The following TRIM67 variants were observed in gnomAD, a reference collection of about 807,000 sequenced individuals.
TRIM67 encodes the protein tripartite motif containing 67, also known as tripartite motif-containing protein 67.
A neutral mutation model predicts 71.0 loss-of-function variants in TRIM67; 39 were observed. The ratio of observed to expected loss-of-function variants is 0.55; its 90% confidence interval spans 0.43 to 0.72. The LOEUF (loss-of-function observed/expected upper bound fraction) is 0.72, where lower values mean the gene tolerates loss of function less well. Among genes scored for constraint, TRIM67 ranks in the 30% least tolerant of loss-of-function variants. The probability of loss-of-function intolerance (pLI) is 0.00; values close to 1 mark genes in which losing one functional copy is unlikely to be tolerated. For synonymous variants in TRIM67, 481 were observed against 473.9 expected, an observed-to-expected ratio of 1.01 and a Z score of -0.19; for missense variants, 973 against 1,079.2, an observed-to-expected ratio of 0.90 and a Z score of 1.38.
At chr1:231,180,952 GGTTTTTTTGTTTGTTT>G (rs139571107) in intron 1 of TRIM67, among the ~76,000 whole-genome samples, 47,430 of 144,406 alleles carry the variant, frequency 0.33, 7,586 homozygotes, top group South Asian at 0.47. Flanking sequence ...CTCAGGAGAA[GGTTTTTTTGTTTGTTT>G]GTTTGTTTGT....
At chr1:231,188,233 C>T (rs1437427102) in intron 1 of TRIM67, among the ~76,000 whole-genome samples, 1 of 152,200 alleles carries the variant, frequency 6.6e-6, no homozygotes, top group Non-Finnish European at 1.5e-5. Context: ...TGGTCAGTGT[C>T]ATCCTCCCAC....
At position 231,209,242 on chromosome 1, in the gene TRIM67, C is replaced by T. The variant is rs374374032; in HGVS notation, c.2115C>T (p.His705=). 1.8e-5 allele frequency: 28 copies of T among 1,548,708 alleles called. No individual in the cohort carries two copies. Among genetic ancestry groups the T allele is most frequent in the African/African-American group, 1.8e-4 (13 of 73,598 alleles). ...NRSWFMHCNS[H]TNRTEGGVCK... Reference sequence around the variant, plus strand: ...GCTGGTTCATGCACTGCAACTCCCACACCAACAGGTGCGATTGGGCCCCAT... The same window carrying T: ...GCTGGTTCATGCACTGCAACTCCCATACCAACAGGTGCGATTGGGCCCCAT... Residue 705 remains histidine, a synonymous_variant, in exon 8 of 10, where the codon CAC becomes CAT. Transcript: ENST00000366653. This position sits in a 1 kb window ranked among gnomAD's most constrained non-coding sequence, Gnocchi z 4.1.
At chr1:231,197,136 C>T (rs537056604) in intron 1 of TRIM67, among the ~76,000 whole-genome samples, 3 of 152,326 alleles carry the variant, frequency 2.0e-5, no homozygotes, top group Admixed American at 2.0e-4. Flanking sequence ...TGCTCCTTAC[C>T]TCTATCCAGC....
At chr1:231,175,424 G>A (rs116414813) in intron 1 of TRIM67, among the ~76,000 whole-genome samples, 4,094 of 152,322 alleles carry the variant, frequency 0.027, 62 homozygotes, top group Middle Eastern at 0.068. Context: ...CCAGAGTTTC[G>A]TGGGTGCAGT....
In TRIM67 at chr1:231,219,711, A is replaced by C. The variant is rs1684096350; in HGVS notation, c.*4271A>C. ...TGGCCCTCAATTGGTTTTTAAAAAA[A>C]TCTAACAGATCTTATTGGCAAATAT... is the stretch of plus-strand genomic sequence containing the variant. On this transcript the variant is annotated 3_prime_UTR_variant, in exon 10 of 10. Coordinates refer to ENST00000366653, the MANE Select transcript of TRIM67 (RefSeq NM_001004342.5). The C allele has an allele frequency of 8.4e-7, 1 of 1,186,412 alleles. No individual in the cohort carries two copies. The highest frequency in any genetic ancestry group is 1.6e-5 in the African/African-American group (1 of 62,398). The allele number at this position is 1,186,412 out of a possible 1,614,324, so 73.5% of individuals were successfully genotyped here. A position where few individuals can be genotyped will look rare whatever the true frequency, so the allele number is the denominator to read the frequency against.
At chr1:231,169,052 TA>T (rs1682551723) in intron 1 of TRIM67, among the ~76,000 whole-genome samples, 1 of 150,164 alleles carries the variant, frequency 6.7e-6, no homozygotes, top group African/African-American at 2.4e-5. Flanking sequence ...AAGCCCTAGA[TA>T]TTTTTTTTTA....
Position 231,162,948 on chromosome 1 carries a change from A to T in TRIM67, c.-22A>T. On this transcript the variant is annotated 5_prime_UTR_variant, in exon 1 of 10. Transcript: ENST00000366653. ...CGGCCATTCATCCCCAGCGCAGAGC[A>T]GCGCTGGCAGCCGGCGCCGCGATGG... is the stretch of plus-strand genomic sequence containing the variant. The T allele has an allele frequency of 6.2e-7, 1 of 1,606,282 alleles. No individual in the cohort carries two copies. The highest frequency in any genetic ancestry group is 1.1e-5 in the South Asian group (1 of 90,098).
chr1:231,164,229 G>A (rs1248008722), intron 1 of TRIM67, among the ~76,000 whole-genome samples: 2 of 152,208 alleles, frequency 1.3e-5, no homozygotes, highest in Admixed American at 1.3e-4. Flanking sequence ...GGAAGGGTAT[G>A]GAAAGATGAC....
chr1:231,210,284 A>G (rs1361148148), intron 8 of TRIM67, among the ~76,000 whole-genome samples: 1 of 152,252 alleles, frequency 6.6e-6, no homozygotes. Context: ...GGAGGCTCTC[A>G]GTGCTCTGGG....
chr1:231,204,079 T>C, intron 6 of TRIM67, 67 bp downstream of exon 6: 1 of 1,591,750 alleles, frequency 6.3e-7, no homozygotes, highest in Non-Finnish European at 8.6e-7. Context: ...TGGCTCCCAC[T>C]GCCCCAGACT....
At chr1:231,214,504 C>T (rs1189861835) in intron 9 of TRIM67, among the ~76,000 whole-genome samples, 2 of 152,008 alleles carry the variant, frequency 1.3e-5, no homozygotes, top group Admixed American at 6.6e-5. Flanking sequence ...TGGCCGGGCG[C>T]GGTGGCTTAC....
At chr1:231,200,404 CTCACCT>C in intron 4 of TRIM67, 146 bp downstream of exon 4, 1 of 591,166 alleles carries the variant, frequency 1.7e-6, no homozygotes, top group Non-Finnish European at 3.1e-6. Context: ...GACCTAGGCT[CTCACCT>C]TGGCTCTGAC....
chr1:231,167,706 T>G (rs886218679), intron 1 of TRIM67, among the ~76,000 whole-genome samples: 1 of 152,080 alleles, frequency 6.6e-6, no homozygotes, highest in African/African-American at 2.4e-5. Flanking sequence ...CTTCCTGCCT[T>G]GGCTTCCCAA....
Position 231,220,110 on chromosome 1 carries a change from A to G in TRIM67, c.*4670A>G. 1.9e-6 allele frequency: 1 copy of G among 525,120 alleles called. No homozygotes were observed. The highest frequency in any genetic ancestry group is 1.8e-5 in the South Asian group (1 of 55,390). 32.5% of individuals were successfully genotyped at this position (525,120 alleles called of 1,614,324 possible). ...TAACATTTTTAAAGAAAAAAAGTGC[A>G]GTCTTTCATCTCTGGCATCTAAGCT... On this transcript the variant is annotated 3_prime_UTR_variant, in exon 10 of 10. Coordinates refer to ENST00000366653, the MANE Select transcript of TRIM67 (RefSeq NM_001004342.5).
intron 6 of TRIM67, 66 bp from the exon 7 acceptor site, chr1:231,206,586 G>A (rs907018899): frequency 2.8e-6 from 4 of 1,441,026 alleles, no homozygotes; most frequent in East Asian, 2.5e-5. Context: ...GTTTCCAGAA[G>A]CCATTTGCTA....
rs1571908748 is a variant in TRIM67, at chr1:231,216,601, A to G, written c.*1161A>G. On this transcript the variant is annotated 3_prime_UTR_variant, in exon 10 of 10. Coordinates refer to ENST00000366653, the MANE Select transcript of TRIM67 (RefSeq NM_001004342.5). ...CAAGTGGCCCCTGTGGCAGGCCGGG[A>G]CGGCTCTGCCCTGATGCAGTGGGCG... is the stretch of plus-strand genomic sequence containing the variant. 1.0e-6 allele frequency: 1 copy of G among 985,536 alleles called. No individual in the cohort carries two copies. The highest frequency in any genetic ancestry group is 6.1e-5 in the Admixed American group (1 of 16,290). 61.0% of individuals were successfully genotyped at this position (985,536 alleles called of 1,614,324 possible).
At chr1:231,173,585 G>A (rs1682666930) in intron 1 of TRIM67, among the ~76,000 whole-genome samples, 1 of 152,190 alleles carries the variant, frequency 6.6e-6, no homozygotes, top group Non-Finnish European at 1.5e-5. Context: ...TTAAACGACA[G>A]AAATGGGCCA....
In TRIM67 at chr1:231,163,999, T is replaced by A; in HGVS notation, c.1030T>A (p.Trp344Arg). The part of the protein sequence containing the change: ...KHEVKPLGAM[W>R]KQHKAQLSQA... ...CGAGGTGAAGCCGCTGGGGGCCATGTGGAAGCAGCACAAGGTGAGCCCGCG... is the reference window on the plus strand; with the variant it reads ...CGAGGTGAAGCCGCTGGGGGCCATGAGGAAGCAGCACAAGGTGAGCCCGCG... Residue 344 changes from tryptophan to arginine, a missense_variant, in exon 1 of 10, where the codon TGG (tryptophan) becomes AGG (arginine). By Grantham distance (101) the Trp-to-Arg change is moderately radical (BLOSUM62 -3). Transcript: ENST00000366653. 1.3e-6 allele frequency: 2 copies of A among 1,560,576 alleles called. No homozygotes were observed. The highest frequency in any genetic ancestry group is 1.7e-6 in the Non-Finnish European group (2 of 1,151,706).
intron 1 of TRIM67, among the ~76,000 whole-genome samples, chr1:231,193,505 T>TCTCTCC (rs1553325678): frequency 5.9e-5 from 6 of 102,360 alleles, no homozygotes; most frequent in Non-Finnish European, 1.1e-4. Context: ...TCTCTCAAGC[T>TCTCTCC]CTCTCTCTCT....
Sources: allele counts gnomAD v4.1 joint callset (sites outside exome capture counted in the v4.1 genomes callset), GRCh38; gene constraint gnomAD v4.1.1; non-coding constraint Gnocchi (gnomAD v3.1); transcripts MANE v1.5; gene names NCBI Gene and HGNC (gene_info 2026-07-23, HGNC 2026-07-21).